The following MEI1 variants were observed in gnomAD, a reference collection of about 807,000 sequenced individuals.
MEI1 encodes meiosis inhibitor protein 1.
In MEI1, 103 loss-of-function variants were observed where a neutral mutation model predicts 146.2. That is an observed-to-expected ratio of 0.70 (90% CI 0.60 to 0.83). The LOEUF (loss-of-function observed/expected upper bound fraction) is 0.83, where lower values mean the gene tolerates loss of function less well. Ranked by LOEUF, MEI1 falls within the 40% of genes least tolerant of loss-of-function variation. The probability of loss-of-function intolerance (pLI) is 0.00; values close to 1 mark genes in which losing one functional copy is unlikely to be tolerated. For synonymous variants in MEI1, 652 were observed against 628.2 expected (o/e 1.04, Z -0.57); for missense variants, 1,529 against 1,533.0 (o/e 1.00, Z 0.04).
Position 41,778,799 on chromosome 22 carries a change from G to C in MEI1, c.2802G>C (p.Lys934Asn), listed in dbSNP as rs1226996293. The C allele has an allele frequency of 1.2e-6, 2 of 1,603,474 alleles. No homozygotes were observed. The highest frequency in any genetic ancestry group is 1.7e-6 in the Non-Finnish European group (2 of 1,175,176). The change falls in exon 22 of 31, where the codon AAG becomes AAC. Residue 934 changes from lysine to asparagine, a missense_variant. This residue lies in a region of MEI1 where 1,212 missense variants were observed against 1,178.9 expected (regional missense o/e 1.03). Coordinates refer to ENST00000401548, the MANE Select transcript of MEI1 (RefSeq NM_152513.4). ...SEQELDSVAM[K>N]LLHQVSKLCG... is the part of the protein sequence containing the mutation. ...AAGAACTGGACAGCGTGGCCATGAA[G>C]CTCCTTCACCAAGGTGCCCTGGCTG...
chr22:41,716,468 C>G (rs1201097809), intron 5 of MEI1, among the ~76,000 whole-genome samples: 1 of 146,598 alleles, frequency 6.8e-6, no homozygotes, highest in East Asian at 2.0e-4. Flanking sequence ...CCTCCACCTC[C>G]CGGGTTCAAG....
intron 3 of MEI1, among the ~76,000 whole-genome samples, chr22:41,709,850 T>C (rs1014676596): frequency 6.6e-6 from 1 of 152,092 alleles, no homozygotes; most frequent in African/African-American, 2.4e-5. Context: ...TAGTCACAAC[T>C]TCTAATTCAA....
At chr22:41,784,163 C>T (rs115475565) in intron 24 of MEI1, among the ~76,000 whole-genome samples, 176 bp from the exon 25 acceptor site, 5 of 152,156 alleles carry the variant, frequency 3.3e-5, no homozygotes, top group East Asian at 1.9e-4. Flanking sequence ...CTTGATTCTC[C>T]GCATGCTCCT....
Position 41,770,953 on chromosome 22 carries a change from A to T in MEI1, c.2536A>T (p.Ile846Phe). ...CAGAAGCATCCCCAGCATCCTGCTC[A>T]TCTTGCTGGTAGGCAACCACTCATT... ...LLRSIPSILL[I>F]LLDLIYSSPV... Residue 846 changes from isoleucine (I) to phenylalanine (F), a missense_variant, in exon 20 of 31, where the codon ATC becomes TTC. Physicochemically the swap from Ile to Phe is conservative, Grantham distance 21 (BLOSUM62 0). Coordinates refer to ENST00000401548, the MANE Select transcript of MEI1 (RefSeq NM_152513.4). 6.2e-7 allele frequency: 1 copy of T among 1,612,754 alleles called. No homozygotes were observed. The highest frequency in any genetic ancestry group is 8.5e-7 in the Non-Finnish European group (1 of 1,179,168).
chr22:41,741,058 G>A (rs1601858047), intron 11 of MEI1, among the ~76,000 whole-genome samples: 1 of 152,134 alleles, frequency 6.6e-6, no homozygotes, highest in South Asian at 2.1e-4. Context: ...TTACAGGCAC[G>A]CGCCACCATG....
At chr22:41,777,631 TAGTG>T (rs1243483171) in intron 21 of MEI1, among the ~76,000 whole-genome samples, 4 of 152,136 alleles carry the variant, frequency 2.6e-5, no homozygotes, top group Non-Finnish European at 5.9e-5. Flanking sequence ...AGTGGAAACA[TAGTG>T]GGAAGGCCAT....
chr22:41,762,449 G>A (rs921434910), intron 18 of MEI1, among the ~76,000 whole-genome samples: 2 of 151,070 alleles, frequency 1.3e-5, no homozygotes, highest in Admixed American at 1.3e-4. Flanking sequence ...ATCATGGCTC[G>A]CTGCAGCCTC....
chr22:41,722,984 C>A (rs545003714), intron 6 of MEI1, among the ~76,000 whole-genome samples: 1 of 152,222 alleles, frequency 6.6e-6, no homozygotes, highest in East Asian at 1.9e-4. Context: ...TTTCCCCCAG[C>A]CATTCTGGCT....
intron 3 of MEI1, among the ~76,000 whole-genome samples, chr22:41,710,195 C>G (rs1198201812): frequency 6.6e-6 from 1 of 151,918 alleles, no homozygotes; most frequent in African/African-American, 2.4e-5. Context: ...CATGTGAGGG[C>G]AAGTGAGAAG....
intron 1 of MEI1, among the ~76,000 whole-genome samples, chr22:41,701,261 T>G (rs1281162844): frequency 6.6e-6 from 1 of 152,084 alleles, no homozygotes; most frequent in Non-Finnish European, 1.5e-5. Context: ...TTTTATCTAT[T>G]TCTGCATTCA....
chr22:41,773,560 TAAAAAAAAAAAA>T (rs34960433), intron 20 of MEI1, among the ~76,000 whole-genome samples: 52 of 129,954 alleles, frequency 4.0e-4, no homozygotes, highest in Non-Finnish European at 6.3e-4. Context: ...ACATCAATGG[TAAAAAAAAAAAA>T]AAAAAAAAAG....
chr22:41,792,831 T>A (rs781740387), intron 26 of MEI1, among the ~76,000 whole-genome samples: 1 of 152,178 alleles, frequency 6.6e-6, no homozygotes, highest in East Asian at 1.9e-4. Flanking sequence ...ACCTAGTAGT[T>A]TTAATTTGCA....
chr22:41,720,438 T>C (rs1030535075), intron 6 of MEI1, among the ~76,000 whole-genome samples: 3 of 152,098 alleles, frequency 2.0e-5, no homozygotes, highest in Admixed American at 2.0e-4. Flanking sequence ...TTTTATTTAC[T>C]TATTTATTTT....
chr22:41,763,244 C>T lies in MEI1; in HGVS notation c.2191C>T (p.Arg731Cys), dbSNP rs1459633906. 3.7e-6 allele frequency: 6 copies of T among 1,613,738 alleles called. No homozygotes were observed. The highest frequency in any genetic ancestry group is 1.6e-4 in the Middle Eastern group (1 of 6,084). ...CCTGTCGCTGCAGGACCAGGGCGAG[C>T]GCCCCCCACTGGTGGTCTTCAAAGC... ...FLLSLQDQGE[R>C]PPLVVFKASI... The change falls in exon 19 of 31, where the codon CGC (arginine) becomes TGC (cysteine). Residue 731 changes from arginine to cysteine, a missense_variant. Arg to Cys is a radical substitution (Grantham distance 180, BLOSUM62 -3). Around this residue, in one of 3 missense-constraint regions of MEI1, gnomAD observed 1,212 missense variants for 1,178.9 expected, o/e 1.03. Coordinates refer to ENST00000401548, the MANE Select transcript of MEI1 (RefSeq NM_152513.4).
chr22:41,798,720 T>C (rs146134497), intron 30 of MEI1, among the ~76,000 whole-genome samples: 15,574 of 151,290 alleles, frequency 0.1, 988 homozygotes, highest in South Asian at 0.19. Context: ...ATACAAAAAT[T>C]AGCCGGGCAT....
intron 17 of MEI1, among the ~76,000 whole-genome samples, chr22:41,756,494 G>A (rs1219681540): frequency 2.0e-5 from 3 of 151,426 alleles, no homozygotes; most frequent in African/African-American, 7.3e-5. Flanking sequence ...TTTGTTTTGG[G>A]ACAGCGTCTT....
At chr22:41,758,580 A>G (rs980406298) in intron 18 of MEI1, 47 bp downstream of exon 18, 3 of 1,566,652 alleles carry the variant, frequency 1.9e-6, no homozygotes, top group Non-Finnish European at 2.6e-6. Context: ...TGGGACCTTC[A>G]TCAGCAGTTC....
At chr22:41,791,128 C>T (rs568511812) in intron 26 of MEI1, among the ~76,000 whole-genome samples, 2 of 152,272 alleles carry the variant, frequency 1.3e-5, no homozygotes, top group African/African-American at 4.8e-5. Context: ...AGCCATGCCT[C>T]ATACATTAGG....
intron 17 of MEI1, among the ~76,000 whole-genome samples, chr22:41,756,037 C>T (rs1215433611): frequency 6.6e-6 from 1 of 152,160 alleles, no homozygotes; most frequent in East Asian, 1.9e-4. Context: ...GCTGTGGTCT[C>T]CACACATCAG....
Sources: allele counts gnomAD v4.1 joint callset (sites outside exome capture counted in the v4.1 genomes callset), GRCh38; gene constraint gnomAD v4.1.1; regional missense constraint gnomAD v4.1.1; transcripts MANE v1.5; gene names NCBI Gene and HGNC (gene_info 2026-07-23, HGNC 2026-07-21).